Variants in TBC1D22A observed in about 807,000 individuals in gnomAD.
TBC1D22A encodes putative GTPase activator.
Under a neutral mutation model 60.2 loss-of-function variants are expected in TBC1D22A, and 38 were observed. The ratio of observed to expected loss-of-function variants is 0.63; its 90% CI spans 0.49 to 0.83. The LOEUF (loss-of-function observed/expected upper bound fraction) is 0.83. TBC1D22A is among the 40% of genes least tolerant of loss of function. The pLI, the probability that TBC1D22A is intolerant of heterozygous loss-of-function variation, is 0.00. For missense variants in TBC1D22A, 628 were observed against 701.0 expected, an observed-to-expected ratio of 0.90 and a Z score of 1.18; for synonymous variants, 302 against 281.7, an observed-to-expected ratio of 1.07 and a Z score of -0.72.
chr22:47,005,200 A>T (rs571716591), intron 10 of TBC1D22A, among the ~76,000 whole-genome samples: 1 of 151,788 alleles, frequency 6.6e-6, no homozygotes, highest in Admixed American at 6.6e-5. Flanking sequence ...CACCTGCTAT[A>T]TATCCACACC....
intron 11 of TBC1D22A, among the ~76,000 whole-genome samples, chr22:47,069,295 T>C (rs2063878193): frequency 6.6e-6 from 1 of 152,262 alleles, no homozygotes; most frequent in Non-Finnish European, 1.5e-5. Flanking sequence ...GTTGCAAACA[T>C]GATCCAAACA....
At chr22:46,806,917 A>C (rs1240932446) in intron 4 of TBC1D22A, among the ~76,000 whole-genome samples, 1 of 152,162 alleles carries the variant, frequency 6.6e-6, no homozygotes, top group Non-Finnish European at 1.5e-5. Flanking sequence ...GGGAAGTTCA[A>C]CCTCTTCACA....
intron 11 of TBC1D22A, among the ~76,000 whole-genome samples, chr22:47,067,887 C>T (rs754402004): frequency 1.3e-5 from 2 of 152,218 alleles, no homozygotes; most frequent in Non-Finnish European, 2.9e-5. Context: ...GTCTGTCTGT[C>T]GACCACCTGT....
At chr22:47,111,405 C>A in intron 11 of TBC1D22A, 103 bp from the exon 12 acceptor site, 1 of 1,049,448 alleles carries the variant, frequency 9.5e-7, no homozygotes, top group Non-Finnish European at 1.4e-6. Context: ...TTGGTTTCCT[C>A]TGAACCCTGA....
chr22:46,774,079 C>G, intron 1 of TBC1D22A: 1 of 985,578 alleles, frequency 1.0e-6, no homozygotes, highest in African/African-American at 1.7e-5. Context: ...GTGTTCCTCC[C>G]GCCCCCGCAC....
intron 12 of TBC1D22A, among the ~76,000 whole-genome samples, chr22:47,170,027 TAATA>T (rs1323128149): frequency 6.6e-6 from 1 of 152,210 alleles, no homozygotes; most frequent in Non-Finnish European, 1.5e-5. Flanking sequence ...AGCTCTTGGC[TAATA>T]AATGTGCCGC....
chr22:46,958,042 C>T (rs977864263), intron 8 of TBC1D22A, among the ~76,000 whole-genome samples: 1 of 151,564 alleles, frequency 6.6e-6, no homozygotes, highest in African/African-American at 2.4e-5. Context: ...TGGGGTAGGC[C>T]TGGGGGCTCC....
At chr22:46,923,947 A>G (rs1286044716) in intron 8 of TBC1D22A, among the ~76,000 whole-genome samples, 1 of 152,136 alleles carries the variant, frequency 6.6e-6, no homozygotes, top group East Asian at 1.9e-4. Flanking sequence ...TCCTTTAGGC[A>G]TGGTGTAATT....
At chr22:47,153,021 C>G (rs748777530) in intron 12 of TBC1D22A, among the ~76,000 whole-genome samples, 3 of 152,196 alleles carry the variant, frequency 2.0e-5, no homozygotes, top group Non-Finnish European at 4.4e-5. Context: ...GCAGGCAGTT[C>G]CAGGCTGGAA....
intron 1 of TBC1D22A, among the ~76,000 whole-genome samples, chr22:46,769,990 G>A (rs1157767256): frequency 6.6e-6 from 1 of 152,090 alleles, no homozygotes; most frequent in Non-Finnish European, 1.5e-5. Flanking sequence ...CCCCCTAAAG[G>A]TGTCCTCATC....
chr22:46,969,732 A>G (rs751762111), intron 8 of TBC1D22A, among the ~76,000 whole-genome samples: 4 of 152,024 alleles, frequency 2.6e-5, no homozygotes, highest in Non-Finnish European at 4.4e-5. Flanking sequence ...TGGGGTCAGG[A>G]CTGACACATT....
In TBC1D22A at chr22:46,793,627, G is replaced by A; in HGVS notation, c.246G>A (p.Leu82=). Residue 82 remains leucine (L), a synonymous_variant, in exon 3 of 13, where the codon CTG becomes CTA. Transcript: ENST00000337137. ...WDAGEDDDEL[L]AMAAESLNSE... The stretch of plus-strand genomic sequence containing the variant: ...CTGGGGAGGACGACGATGAGCTCCT[G>A]GCCATGGCGGCGGAGAGCCTGAACT... 1 of 1,613,814 alleles carries A rather than the reference G, an allele frequency of 6.2e-7. No individual in the cohort carries two copies. The highest frequency in any genetic ancestry group is 1.3e-5 in the African/African-American group (1 of 75,050).
At chr22:46,915,912 C>T (rs769970324) in intron 8 of TBC1D22A, 2 of 448,970 alleles carry the variant, frequency 4.5e-6, no homozygotes. Flanking sequence ...TCCAACTCTG[C>T]ACATGCTGGC....
At chr22:47,102,535 C>T (rs1287981133) in intron 11 of TBC1D22A, among the ~76,000 whole-genome samples, 1 of 152,186 alleles carries the variant, frequency 6.6e-6, no homozygotes, top group Non-Finnish European at 1.5e-5. Flanking sequence ...AGCAGAAGCC[C>T]ATTTTCCATA....
chr22:46,790,020 T>TTGTC (rs2084338315), intron 1 of TBC1D22A, among the ~76,000 whole-genome samples: 1 of 152,244 alleles, frequency 6.6e-6, no homozygotes, highest in Admixed American at 6.5e-5. Flanking sequence ...GCCACCGCCA[T>TTGTC]TGTCTTTCTG....
chr22:46,821,236 T>A (rs2085816331), intron 4 of TBC1D22A, among the ~76,000 whole-genome samples: 3 of 152,212 alleles, frequency 2.0e-5, no homozygotes, highest in African/African-American at 7.2e-5. Context: ...CCCATTTACA[T>A]ATAAAGTTAG....
intron 11 of TBC1D22A, among the ~76,000 whole-genome samples, chr22:47,095,995 A>G (rs554199029): frequency 6.6e-6 from 1 of 152,360 alleles, no homozygotes; most frequent in South Asian, 2.1e-4. Context: ...TAACTAGAAA[A>G]GACCACTTCA....
At chr22:47,171,749 G>GT (rs1349952262) in intron 12 of TBC1D22A, among the ~76,000 whole-genome samples, 16 of 152,028 alleles carry the variant, frequency 1.1e-4, no homozygotes, top group African/African-American at 3.9e-4. Flanking sequence ...GGCGGTGGTC[G>GT]TGGGGGGTCC....
rs754070394 is a variant in TBC1D22A at position 46,792,370 on chromosome 22, G to A, written c.63-150G>A. The A allele has an allele frequency of 3.0e-6, 3 of 999,722 alleles. No individual in the cohort carries two copies. In the African/African-American group the frequency reaches 4.8e-5, roughly 16 times the overall value. The allele number at this position is 999,722 out of a possible 1,614,324, so 61.9% of individuals were successfully genotyped here. ...TCTGAACTGGGCCCTCAGGACCCCG[G>A]GTGGCTGCAGGGGGGCCTGCGACAG... is the stretch of plus-strand genomic sequence containing the variant. On this transcript the variant is annotated intron_variant, in intron 1 of 12. Transcript: ENST00000337137.
Sources: gnomAD v4.1 joint callset for allele counts (sites outside exome capture counted in the v4.1 genomes callset) on GRCh38, gnomAD v4.1.1 for gene constraint, MANE v1.5 for transcripts, NCBI Gene and HGNC (gene_info 2026-07-23, HGNC 2026-07-21) for gene names.